ODF2: variants seen among roughly 807,000 people sequenced by gnomAD.
ODF2 encodes outer dense fiber protein 2.
In ODF2, 47 loss-of-function variants were observed where a neutral mutation model predicts 110.2. The observed-to-expected ratio is 0.43, with a 90% CI of 0.34 to 0.54. ODF2 has a LOEUF of 0.54. ODF2 is among the 20% of genes least tolerant of loss of function. The pLI is 0.03. For missense variants in ODF2, 812 were observed against 1,054.5 expected (o/e 0.77, Z 3.19); for synonymous variants, 352 against 397.7 (o/e 0.89, Z 1.37).
At chr9:128,478,295 A>G (rs1275843417) in intron 8 of ODF2, among the ~76,000 whole-genome samples, 2 of 150,858 alleles carry the variant, frequency 1.3e-5, no homozygotes, top group Admixed American at 6.6e-5. Context: ...AGAGCCAGAC[A>G]CTATCTCAAA....
At chr9:128,459,702 A>C (rs1835906231) in intron 3 of ODF2, 45 bp downstream of exon 2, 1 of 1,496,632 alleles carries the variant, frequency 6.7e-7, no homozygotes, top group Non-Finnish European at 9.3e-7. Flanking sequence ...TCACCTTGCT[A>C]AAAATGCTTT....
intron 13 of ODF2, among the ~76,000 whole-genome samples, chr9:128,486,103 C>T (rs1289757073): frequency 1.3e-5 from 2 of 152,184 alleles, no homozygotes; most frequent in East Asian, 1.9e-4. Context: ...ACCAGGGTTA[C>T]AGCAGTAAGA....
chr9:128,499,971 A>T, intron 20 of ODF2, 96 bp from the exon 21 acceptor site: 1 of 1,389,322 alleles, frequency 7.2e-7, no homozygotes, highest in Non-Finnish European at 9.9e-7. Flanking sequence ...TCGCCTCCCC[A>T]AACCTCCTGG....
intron 4 of ODF2, among the ~76,000 whole-genome samples, chr9:128,467,376 C>T (rs775738063): frequency 1.6e-4 from 25 of 152,020 alleles, no homozygotes; most frequent in Non-Finnish European, 1.8e-4. Flanking sequence ...TGAAATGTTA[C>T]GTGGCACATG....
chr9:128,455,202 G>A (rs750859657), upstream of ODF2: 51 of 1,535,324 alleles, frequency 3.3e-5, no homozygotes, highest in Non-Finnish European at 3.7e-5. Context: ...AGAAGATGGC[G>A]GACCAGCAAG....
chr9:128,469,726 G>A (rs1390191815), intron 5 of ODF2, among the ~76,000 whole-genome samples: 1 of 151,802 alleles, frequency 6.6e-6, no homozygotes. Context: ...CGGGCATGGT[G>A]GCTCACGCCT....
chr9:128,477,372 G>T (rs2131884119), intron 8 of ODF2, among the ~76,000 whole-genome samples: 1 of 151,830 alleles, frequency 6.6e-6, no homozygotes, highest in South Asian at 2.1e-4. Context: ...AACACAGTGA[G>T]ACTTCATCTG....
At chr9:128,475,331 CTG>C (rs61127968) in intron 8 of ODF2, among the ~76,000 whole-genome samples, 42,005 of 151,832 alleles carry the variant, frequency 0.28, 6,377 homozygotes, top group African/African-American at 0.4. Context: ...CAAGGGATGA[CTG>C]TAGTTCTTTT....
rs1845225493 is a variant in ODF2 at position 128,494,400 on chromosome 9, CTG to C, written c.1753-106_1753-105del. 7 of 925,796 alleles carry C rather than the reference CTG, an allele frequency of 7.6e-6. No individual in the cohort carries two copies. The Admixed American group carries it at 1.7e-4, about 23-fold the overall frequency. The allele number at this position is 925,796 out of a possible 1,614,324, so 57.3% of individuals were successfully genotyped here. A position where few individuals can be genotyped will look rare whatever the true frequency, so the allele number is the denominator to read the frequency against. ...ATTTTGCAGGATCCTCCACTGGGGA[CTG>C]TGTCAGCCCTGCCCTAACTCTAAAG... On this transcript the variant is annotated intron_variant, in intron 16 of 20. Coordinates refer to ENST00000604420, the Ensembl canonical transcript of ODF2. This position sits in a 1 kb window ranked among gnomAD's most constrained non-coding sequence, Gnocchi z 4.6.
upstream of ODF2, chr9:128,456,097 C>A (rs762168932): frequency 1.3e-4 from 196 of 1,542,958 alleles, 2 homozygotes; most frequent in South Asian, 2.3e-3. Context: ...GGCCAATGGG[C>A]GAGCTGCCGA....
At chr9:128,459,406 G>A (rs944163608) in intron 2 of ODF2, among the ~76,000 whole-genome samples, 161 bp from the exon 2 acceptor site, 2 of 152,074 alleles carry the variant, frequency 1.3e-5, no homozygotes, top group East Asian at 1.9e-4. Context: ...GGCACACCAC[G>A]CACATCTGGT....
At chr9:128,481,622 C>T (rs749558876) in exon 9 of ODF2, 31 of 1,613,838 alleles carry the variant, frequency 1.9e-5, no homozygotes, top group East Asian at 1.3e-4. Context: ...ACTGCTGAAA[C>T]GGCTGGCGGA....
chr9:128,499,263 C>T (rs1318257813), intron 20 of ODF2, 137 bp downstream of exon 20: 1 of 1,030,018 alleles, frequency 9.7e-7, no homozygotes, highest in Non-Finnish European at 1.4e-6. Context: ...CACTTTCTAT[C>T]CCTTAAGGAT....
At chr9:128,470,034 T>A (rs1357364901) in intron 5 of ODF2, among the ~76,000 whole-genome samples, 5 of 65,568 alleles carry the variant, frequency 7.6e-5, no homozygotes, top group Non-Finnish European at 1.2e-4. Flanking sequence ...TATATATATA[T>A]ATATATATAT....
intron 8 of ODF2, among the ~76,000 whole-genome samples, chr9:128,475,385 G>A (rs1841042519): frequency 1.3e-5 from 2 of 152,144 alleles, no homozygotes; most frequent in Admixed American, 6.6e-5. Flanking sequence ...TGTACAACAT[G>A]TTTTGACATA....
chr9:128,456,146 G>A (rs1206352885), upstream of ODF2: 1 of 1,548,392 alleles, frequency 6.5e-7, no homozygotes, highest in Non-Finnish European at 8.7e-7. Flanking sequence ...GGGAGGAGCC[G>A]CTGCCAGAGC....
exon 19 of ODF2, chr9:128,498,573 C>A (rs773288478): frequency 2.0e-6 from 3 of 1,528,100 alleles, no homozygotes; most frequent in Non-Finnish European, 1.8e-6. Flanking sequence ...TGCGAGGAGG[C>A]AGGTCAGTCC....
At chr9:128,484,909 C>T (rs950988848) in intron 12 of ODF2, 23 bp downstream of exon 12, 28 of 1,609,456 alleles carry the variant, frequency 1.7e-5, no homozygotes, top group Non-Finnish European at 2.3e-5. Context: ...CGGTGCCCAG[C>T]TCCTCACCTG....
At chr9:128,496,324 G>T in intron 18 of ODF2, 183 bp downstream of exon 18, 1 of 1,467,482 alleles carries the variant, frequency 6.8e-7, no homozygotes, top group Middle Eastern at 2.1e-4. Flanking sequence ...AGAGCAAGGG[G>T]GCCTCTCAGC....
Sources: gnomAD v4.1 joint callset for allele counts (sites outside exome capture counted in the v4.1 genomes callset) on GRCh38, gnomAD v4.1.1 for gene constraint, Gnocchi (gnomAD v3.1) non-coding constraint, MANE v1.5 for transcripts, NCBI Gene and HGNC (gene_info 2026-07-23, HGNC 2026-07-21) for gene names.